Variants in HEATR9 observed in about 807,000 individuals in gnomAD.
HEATR9 encodes the protein protein HEATR9.
HEATR9 carries 54 observed loss-of-function variants against 68.2 expected under a neutral mutation model. That is an observed-to-expected ratio of 0.79 (90% CI 0.64 to 0.99). The LOEUF is 0.99. Ranked by LOEUF, HEATR9 falls within the 50% of genes least tolerant of loss-of-function variation. The pLI is 0.00. For missense variants in HEATR9, 662 were observed against 679.7 expected (o/e 0.97, Z 0.29); for synonymous variants, 241 against 253.5 (o/e 0.95, Z 0.47).
At chr17:35,856,455 T>C in intron 12 of HEATR9, 1 of 1,220,168 alleles carries the variant, frequency 8.2e-7, no homozygotes, top group Non-Finnish European at 1.2e-6. Context: ...TTTTATCTTT[T>C]TAAAAAAAGT....
intron 11 of HEATR9, among the ~76,000 whole-genome samples, chr17:35,857,482 G>T (rs1317789610): frequency 6.6e-6 from 1 of 152,052 alleles, no homozygotes; most frequent in Non-Finnish European, 1.5e-5. Context: ...ACCTAGGGCC[G>T]GGCGCAGTGG....
At chr17:35,864,351 C>G (rs375623449) in intron 5 of HEATR9, 49 bp from the exon 6 acceptor site, 124 of 1,545,532 alleles carry the variant, frequency 8.0e-5, no homozygotes, top group Non-Finnish European at 1.1e-4. Context: ...GACATCATCC[C>G]CAGGAGTTAC....
intron 6 of HEATR9, 52 bp from the exon 7 acceptor site, chr17:35,863,611 G>C: frequency 6.4e-7 from 1 of 1,560,638 alleles, no homozygotes; most frequent in Non-Finnish European, 8.8e-7. Context: ...TGGAATGTCA[G>C]AGCTTTAGGG....
chr17:35,861,345 A>G (rs1598591184), intron 8 of HEATR9: 1 of 1,509,666 alleles, frequency 6.6e-7, no homozygotes, highest in Non-Finnish European at 9.2e-7. Flanking sequence ...GTTCATTTCT[A>G]TGTTTTTAAA....
chr17:35,861,681 C>G, intron 8 of HEATR9: 1 of 543,718 alleles, frequency 1.8e-6, no homozygotes. Context: ...GGCTAACCCA[C>G]TCACTTTCTT....
intron 11 of HEATR9, 24 bp downstream of exon 11, chr17:35,858,176 C>T: frequency 6.2e-7 from 1 of 1,614,032 alleles, no homozygotes; most frequent in Non-Finnish European, 8.5e-7. Context: ...TGTCTCTGGG[C>T]TTGGGAGCTT....
At chr17:35,867,767 TTTTTG>T (rs747100766) in intron 1 of HEATR9, among the ~76,000 whole-genome samples, 3 of 152,088 alleles carry the variant, frequency 2.0e-5, no homozygotes, top group Admixed American at 6.6e-5. Context: ...CATTTCCTGT[TTTTTG>T]TTTTGTTTTG....
At chr17:35,855,477 G>A (rs2087738516) in intron 14 of HEATR9, 67 bp from the exon 15 acceptor site, 1 of 1,456,412 alleles carries the variant, frequency 6.9e-7, no homozygotes, top group Non-Finnish European at 9.5e-7. Context: ...CCAGAGAGGG[G>A]GCACCCAAAG....
At position 35,864,793 on chromosome 17, in the gene HEATR9, G is replaced by T. The variant is rs756523566; in HGVS notation, c.418C>A (p.Pro140Thr). 2 of 1,614,164 alleles carry T rather than the reference G, an allele frequency of 1.2e-6. No homozygotes were observed. The highest frequency in any genetic ancestry group is 1.7e-6 in the Non-Finnish European group (2 of 1,180,034). Reference protein sequence around the residue: ...KSEMRSRPLEPTQDPLKWQRL... With the variant: ...KSEMRSRPLETTQDPLKWQRL... ...TGCCACTTCAGGGGGTCCTGGGTAG[G>T]CTCTAAGGGCCTGGATCGCATCTCA... Residue 140 changes from proline to threonine, a missense_variant, in exon 4 of 15, where the codon CCT becomes ACT. Transcript: ENST00000604834.
chr17:35,866,873 C>T (rs2088213672), intron 1 of HEATR9, 100 bp from the exon 2 acceptor site: 2 of 1,163,672 alleles, frequency 1.7e-6, no homozygotes, highest in East Asian at 2.3e-5. Flanking sequence ...TTTGGGAAGC[C>T]AAGGCAGGCA....
rs2088132772 is a variant in HEATR9, at chr17:35,864,776, C to A, written c.435G>T (p.Leu145=). 6.2e-7 allele frequency: 1 copy of A among 1,614,162 alleles called. No homozygotes were observed. Among genetic ancestry groups the A allele is most frequent in the Non-Finnish European group, 8.5e-7 (1 of 1,180,034 alleles). The change falls in exon 4 of 15, where the codon CTG becomes CTT. Residue 145 remains leucine, a synonymous_variant. Coordinates refer to ENST00000604834, the MANE Select transcript of HEATR9 (RefSeq NM_152781.4). ...SRPLEPTQDP[L]KWQRLRELTK... ...TCCTGACCCTTAATCTTTGCCACTT[C>A]AGGGGGTCCTGGGTAGGCTCTAAGG...
intron 8 of HEATR9, chr17:35,861,530 T>C: frequency 2.2e-6 from 2 of 916,594 alleles, no homozygotes; most frequent in Admixed American, 3.4e-5. Context: ...CTGGGGTAGA[T>C]GGGCCTCGAA....
At chr17:35,861,974 GC>G (rs1416364630) in intron 8 of HEATR9, among the ~76,000 whole-genome samples, 1 of 151,728 alleles carries the variant, frequency 6.6e-6, no homozygotes, top group African/African-American at 2.4e-5. Flanking sequence ...TTCTGCCTCA[GC>G]CTCCCAAGTA....
rs2087861467 is a variant in HEATR9, at chr17:35,858,605, A to G, written c.940-80T>C. ...CCAGGTGGACTTGAGGTCTGAGCCT[A>G]GAACTGGTGAGGAACAGCTAAGGTC... On this transcript the variant is annotated intron_variant, in intron 9 of 14. Transcript: ENST00000604834. 15 of 1,284,984 alleles carry G rather than the reference A, an allele frequency of 1.2e-5. No individual in the cohort carries two copies. The East Asian group carries it at 3.4e-4, about 29-fold the overall frequency. 79.6% of individuals were successfully genotyped at this position (1,284,984 alleles called of 1,614,324 possible). A position where few individuals can be genotyped will look rare whatever the true frequency, so the allele number is the denominator to read the frequency against.
rs116802831 is a variant in HEATR9 at position 35,866,763 on chromosome 17, T to G, written c.99A>C (p.Lys33Asn). The change falls in exon 2 of 15, where the codon AAA becomes AAC. Residue 33 changes from lysine (K) to asparagine (N), a missense_variant. Transcript: ENST00000604834. ...EYPDKTKELR[K>N]AMAPVHLPLS... ...AGGGCAGATGAACAGGAGCCATGGC[T>G]TTTCTGAGTTCTGGCAAGAGGGATA... 5.6e-3 allele frequency: 9,085 copies of G among 1,613,976 alleles called. 442 individuals carry two copies. The African/African-American group carries it at 0.1, about 18-fold the overall frequency.
chr17:35,858,481 T>TG lies in HEATR9; in HGVS notation c.983dup (p.Val329SerfsTer16). The TG allele has an allele frequency of 6.2e-7, 1 of 1,614,058 alleles. No individual in the cohort carries two copies. Among genetic ancestry groups the TG allele is most frequent in the Non-Finnish European group, 8.5e-7 (1 of 1,180,016 alleles). ...GCTGGTCTAGGATGGCCTTGATGAC[T>TG]GGGGCTGAGTGCACGTGCATCACCT... is the stretch of plus-strand genomic sequence containing the variant. On this transcript the variant is annotated frameshift_variant, in exon 10 of 15. Coordinates refer to ENST00000604834, the MANE Select transcript of HEATR9 (RefSeq NM_152781.4). LOFTEE classifies it high-confidence loss of function.
chr17:35,864,496 C>T lies in HEATR9; in HGVS notation c.510+1G>A. 6.2e-7 allele frequency: 1 copy of T among 1,613,918 alleles called. No individual in the cohort carries two copies. The highest frequency in any genetic ancestry group is 8.5e-7 in the Non-Finnish European group (1 of 1,179,914). On this transcript the variant is annotated splice_donor_variant, in intron 5 of 14. Transcript: ENST00000604834. LOFTEE classifies it high-confidence loss of function. ...CCTCCTCTATCCTTGCCTCTTCTCA[C>T]CTGTGCTGCATAGAACTGCTCATCC...
chr17:35,858,058 A>G, intron 11 of HEATR9, 142 bp downstream of exon 11: 1 of 1,210,248 alleles, frequency 8.3e-7, no homozygotes, highest in Non-Finnish European at 1.2e-6. Flanking sequence ...GCAAGGTGAT[A>G]TAAAAACCTG....
chr17:35,868,673 A>G lies in HEATR9; in HGVS notation c.70T>C (p.Tyr24His). The G allele has an allele frequency of 6.2e-7, 1 of 1,614,086 alleles. No homozygotes were observed. Among genetic ancestry groups the G allele is most frequent in the South Asian group, 1.1e-5 (1 of 91,078 alleles). ...RSMFLYPWLE[Y>H]PDKTKELRKA... ...GCCTCACCTTTGGTCTTGTCTGGAT[A>G]TTCCAGCCATGGGTACAGGAACATT... Residue 24 changes from tyrosine to histidine, a missense_variant, in exon 1 of 15, where the codon TAT (tyrosine) becomes CAT (histidine). Transcript: ENST00000604834.
Sources: gnomAD v4.1 joint callset for allele counts (sites outside exome capture counted in the v4.1 genomes callset) on GRCh38, gnomAD v4.1.1 for gene constraint, MANE v1.5 for transcripts, NCBI Gene and HGNC (gene_info 2026-07-23, HGNC 2026-07-21) for gene names.